FSTL5: variants seen among roughly 807,000 people sequenced by gnomAD.
The protein encoded by FSTL5 is follistatin-related protein 5.
A neutral mutation model predicts 89.1 loss-of-function variants in FSTL5; 62 were observed. The ratio of observed to expected loss-of-function variants is 0.70; its 90% CI spans 0.57 to 0.86. The LOEUF is 0.86. Among genes scored for constraint, FSTL5 ranks in the 40% least tolerant of loss-of-function variants. The pLI, the probability that FSTL5 is intolerant of heterozygous loss-of-function variation, is 0.00. For synonymous variants in FSTL5, 383 were observed against 346.2 expected, an observed-to-expected ratio of 1.11 and a Z score of -1.18; for missense variants, 1,057 against 1,001.6, an observed-to-expected ratio of 1.06 and a Z score of -0.75.
chr4:161,507,439 A>G (rs1044681526), intron 11 of FSTL5, among the ~76,000 whole-genome samples: 18 of 151,934 alleles, frequency 1.2e-4, no homozygotes, highest in African/African-American at 4.1e-4. Context: ...TTTAATATAT[A>G]GTAAAACTAC....
At chr4:161,561,542 G>T (rs1732602434) in intron 8 of FSTL5, among the ~76,000 whole-genome samples, 1 of 151,876 alleles carries the variant, frequency 6.6e-6, no homozygotes, top group Non-Finnish European at 1.5e-5. Flanking sequence ...GGTGAGGATT[G>T]TAAAACTCTG....
Position 161,775,964 on chromosome 4 carries a change from A to G in FSTL5, c.520T>C (p.Ser174Pro). Residue 174 changes from serine (S) to proline (P), a missense_variant, in exon 5 of 16, where the codon TCT (serine) becomes CCT (proline). Coordinates refer to ENST00000306100, the MANE Select transcript of FSTL5 (RefSeq NM_020116.5). ...TGATCCACCAATAGCTTCTTCCGAG[A>G]TATGTCGTCGCCATTAGGATTTTCA... ...ENENPNGDDI[S>P]RKKLLVDQMF... 1 of 1,607,842 alleles carries G rather than the reference A, an allele frequency of 6.2e-7. No homozygotes were observed. Among genetic ancestry groups the G allele is most frequent in the African/African-American group, 1.3e-5 (1 of 74,836 alleles).
At chr4:161,395,765 T>C (rs1198217140) in intron 15 of FSTL5, among the ~76,000 whole-genome samples, 1 of 152,034 alleles carries the variant, frequency 6.6e-6, no homozygotes, top group Non-Finnish European at 1.5e-5. Flanking sequence ...GAAAGACCAG[T>C]GAAATAAATA....
intron 15 of FSTL5, among the ~76,000 whole-genome samples, chr4:161,423,011 C>T (rs1261610028): frequency 2.0e-5 from 3 of 152,164 alleles, no homozygotes; most frequent in Non-Finnish European, 4.4e-5. Context: ...AATTCAGAAA[C>T]AATTTTGCTT....
intron 4 of FSTL5, among the ~76,000 whole-genome samples, chr4:161,895,399 T>G (rs1733123065): frequency 6.6e-6 from 1 of 152,190 alleles, no homozygotes; most frequent in Non-Finnish European, 1.5e-5. Context: ...ACTGATGTGC[T>G]CAATTACATT....
intron 1 of FSTL5, among the ~76,000 whole-genome samples, chr4:162,135,463 G>C (rs535002091): frequency 4.6e-5 from 7 of 151,980 alleles, no homozygotes; most frequent in African/African-American, 1.7e-4. Context: ...CTCATAGTTT[G>C]GTATATTTAC....
intron 1 of FSTL5, among the ~76,000 whole-genome samples, chr4:162,130,386 G>T (rs1396252682): frequency 8.0e-6 from 1 of 124,608 alleles, no homozygotes; most frequent in Non-Finnish European, 1.6e-5. Flanking sequence ...CAAGAATGTT[G>T]TGTTTCCTAC....
intron 6 of FSTL5, among the ~76,000 whole-genome samples, chr4:161,659,066 T>A (rs1259432656): frequency 5.9e-5 from 9 of 152,174 alleles, no homozygotes. Flanking sequence ...AGATTTGGCA[T>A]AACATTATGT....
chr4:161,752,270 T>TAGAC (rs1560825611), intron 6 of FSTL5, among the ~76,000 whole-genome samples: 1 of 151,502 alleles, frequency 6.6e-6, no homozygotes, highest in East Asian at 1.9e-4. Flanking sequence ...GATAGATAGA[T>TAGAC]AGATGGAATG....
chr4:162,112,305 T>A (rs1404320103), intron 1 of FSTL5, among the ~76,000 whole-genome samples: 1 of 152,218 alleles, frequency 6.6e-6, no homozygotes, highest in Non-Finnish European at 1.5e-5. Context: ...CGACAGGGTC[T>A]CACTTTGTTA....
chr4:162,147,308 A>G (rs964022352), intron 1 of FSTL5, among the ~76,000 whole-genome samples: 1 of 151,988 alleles, frequency 6.6e-6, no homozygotes, highest in Non-Finnish European at 1.5e-5. Context: ...AGTTTCTCCT[A>G]TTTCTCTTTA....
At chr4:162,147,208 A>G (rs1733036771) in intron 1 of FSTL5, among the ~76,000 whole-genome samples, 1 of 152,118 alleles carries the variant, frequency 6.6e-6, no homozygotes, top group Non-Finnish European at 1.5e-5. Context: ...TCAAAATTTT[A>G]TAAATATTCT....
chr4:161,857,098 C>A (rs1731744976), intron 4 of FSTL5, among the ~76,000 whole-genome samples: 1 of 152,092 alleles, frequency 6.6e-6, no homozygotes, highest in Admixed American at 6.6e-5. Context: ...TCAAAGGTGG[C>A]AGGGGCATTT....
At chr4:161,772,069 T>G (rs1741229037) in intron 5 of FSTL5, among the ~76,000 whole-genome samples, 1 of 152,136 alleles carries the variant, frequency 6.6e-6, no homozygotes, top group African/African-American at 2.4e-5. Flanking sequence ...ACTGATTTTT[T>G]TATGTCTTTT....
At chr4:161,987,687 A>C (rs1389940211) in intron 3 of FSTL5, among the ~76,000 whole-genome samples, 1 of 150,202 alleles carries the variant, frequency 6.7e-6, no homozygotes, top group Non-Finnish European at 1.5e-5. Context: ...TGACCTTACC[A>C]AACTAAAAGT....
intron 3 of FSTL5, among the ~76,000 whole-genome samples, chr4:161,986,089 C>T (rs189282674): frequency 3.4e-4 from 51 of 152,204 alleles, no homozygotes; most frequent in Admixed American, 3.0e-3. Flanking sequence ...TTCCCACAGA[C>T]CCTTACACCT....
At chr4:161,452,102 T>G (rs184186864) in intron 15 of FSTL5, among the ~76,000 whole-genome samples, 16 of 152,322 alleles carry the variant, frequency 1.1e-4, no homozygotes, top group African/African-American at 2.9e-4. Context: ...TAGAATGTAG[T>G]GTCAAATTCT....
chr4:161,782,199 C>T (rs1033291257), intron 4 of FSTL5, among the ~76,000 whole-genome samples: 1 of 152,284 alleles, frequency 6.6e-6, no homozygotes, highest in African/African-American at 2.4e-5. Context: ...CTGCTATAAA[C>T]ATCTGTGTGA....
chr4:161,521,274 TGAAA>T (rs994237265), intron 10 of FSTL5, among the ~76,000 whole-genome samples: 40 of 152,216 alleles, frequency 2.6e-4, no homozygotes, highest in African/African-American at 8.7e-4. Context: ...TTCAATATAT[TGAAA>T]GAGAGGAAAA....
Sources: allele counts gnomAD v4.1 joint callset (sites outside exome capture counted in the v4.1 genomes callset), GRCh38; gene constraint gnomAD v4.1.1; transcripts MANE v1.5; gene names NCBI Gene and HGNC (gene_info 2026-07-23, HGNC 2026-07-21).